Variants in CHST11 observed in about 807,000 individuals in gnomAD.
The protein encoded by CHST11 is carbohydrate sulfotransferase 11, also known as C4S-1.
A neutral mutation model predicts 30.4 loss-of-function variants in CHST11; 9 were observed. The observed-to-expected ratio is 0.30, with a 90% CI of 0.18 to 0.52. The LOEUF is 0.52. CHST11 is among the 20% of genes least tolerant of loss of function. The pLI, the probability that CHST11 is intolerant of heterozygous loss-of-function variation, is 0.97. For missense variants in CHST11, 348 were observed against 460.6 expected (o/e 0.76, Z 2.24); for synonymous variants, 152 against 187.8 (o/e 0.81, Z 1.56).
intron 2 of CHST11, among the ~76,000 whole-genome samples, chr12:104,670,485 A>T (rs1188109215): frequency 2.9e-5 from 4 of 139,974 alleles, no homozygotes; most frequent in African/African-American, 8.8e-5. Context: ...ACACACACAC[A>T]CTCACACTCA....
At chr12:104,664,190 G>C (rs1461071134) in intron 2 of CHST11, among the ~76,000 whole-genome samples, 2 of 152,140 alleles carry the variant, frequency 1.3e-5, no homozygotes, top group Admixed American at 1.3e-4. Flanking sequence ...TAATACTCAG[G>C]GAGACCACGA....
chr12:104,535,328 G>A (rs544995370), intron 1 of CHST11, among the ~76,000 whole-genome samples: 1 of 152,338 alleles, frequency 6.6e-6, no homozygotes, highest in South Asian at 2.1e-4. Context: ...TCAGATGGTA[G>A]CTTGTTTTGG....
At position 104,757,954 on chromosome 12, in the gene CHST11, G is replaced by C; in HGVS notation, c.*151G>C. On this transcript the variant is annotated 3_prime_UTR_variant, in exon 3 of 3. Coordinates refer to ENST00000303694, the MANE Select transcript of CHST11 (RefSeq NM_018413.6). The surrounding 1 kb of genome is among the most constrained non-coding windows in gnomAD (Gnocchi z 6.5). Reference sequence around the variant, plus strand: ...TAGTGAGAATTATTTAAAATCCTTCGTAGGGAAGGACAGCTGTCTTTGCAG... The same window carrying C: ...TAGTGAGAATTATTTAAAATCCTTCCTAGGGAAGGACAGCTGTCTTTGCAG... The C allele has an allele frequency of 1.2e-6, 1 of 862,490 alleles. No individual in the cohort carries two copies. The highest frequency in any genetic ancestry group is 1.7e-6 in the Non-Finnish European group (1 of 578,446). 53.4% of individuals were successfully genotyped at this position (862,490 alleles called of 1,614,324 possible).
intron 2 of CHST11, among the ~76,000 whole-genome samples, chr12:104,671,459 C>G (rs2039696998): frequency 1.3e-5 from 2 of 152,198 alleles, no homozygotes; most frequent in Non-Finnish European, 2.9e-5. Context: ...TGCCTGTCTA[C>G]TGATCATTAC....
intron 2 of CHST11, among the ~76,000 whole-genome samples, chr12:104,701,214 A>G (rs1390332923): frequency 1.3e-5 from 2 of 152,178 alleles, no homozygotes; most frequent in Non-Finnish European, 2.9e-5. Context: ...TAAGTGGCCA[A>G]ACTGAATCCA....
chr12:104,681,347 A>G (rs887915839), intron 2 of CHST11, among the ~76,000 whole-genome samples: 2 of 152,268 alleles, frequency 1.3e-5, no homozygotes, highest in African/African-American at 4.8e-5. Context: ...AAAAGACCGC[A>G]TATGATATGA....
chr12:104,707,002 T>C (rs1340036845), intron 2 of CHST11, among the ~76,000 whole-genome samples: 1 of 152,160 alleles, frequency 6.6e-6, no homozygotes, highest in Non-Finnish European at 1.5e-5. Flanking sequence ...ACAGTCGTCC[T>C]CCCACCTCCT....
intron 2 of CHST11, among the ~76,000 whole-genome samples, chr12:104,679,687 G>T (rs2039776392): frequency 6.6e-6 from 1 of 152,160 alleles, no homozygotes; most frequent in Non-Finnish European, 1.5e-5. Context: ...ACTATCACCT[G>T]CCCTGCAGAG....
chr12:104,645,128 T>G (rs914237460), intron 2 of CHST11, among the ~76,000 whole-genome samples: 3 of 151,636 alleles, frequency 2.0e-5, no homozygotes, highest in Non-Finnish European at 2.9e-5. Flanking sequence ...TTTGTATTTT[T>G]AGTAGAGACG....
chr12:104,486,593 C>T (rs1024748939), intron 1 of CHST11, among the ~76,000 whole-genome samples: 1 of 152,102 alleles, frequency 6.6e-6, no homozygotes. Flanking sequence ...GTGAGATTGT[C>T]TAGAAGGGTG....
intron 1 of CHST11, among the ~76,000 whole-genome samples, chr12:104,487,471 C>T (rs934574476): frequency 3.3e-5 from 5 of 152,124 alleles, no homozygotes; most frequent in Non-Finnish European, 7.4e-5. Context: ...TATGTTGCCC[C>T]GGCTGGTCTT....
At position 104,549,774 on chromosome 12, in the gene CHST11, G is replaced by A. The variant is rs78690438; in HGVS notation, c.119-52132G>A. On this transcript the variant is annotated intron_variant, in intron 1 of 2. Coordinates refer to ENST00000303694, the MANE Select transcript of CHST11 (RefSeq NM_018413.6). ...TAACAAAAATTAGTCAGGTGTGGTG[G>A]TGCGTGCCTGTAGTCCCAGCTACTC... Among the ~76,000 whole-genome samples, 49 of 152,282 alleles carry A rather than the reference G, an allele frequency of 3.2e-4. No individual in the cohort carries two copies. The East Asian group carries it at 7.1e-3, about 22-fold the overall frequency.
intron 1 of CHST11, among the ~76,000 whole-genome samples, chr12:104,462,331 CA>C (rs893949067): frequency 6.0e-5 from 9 of 150,042 alleles, no homozygotes; most frequent in African/African-American, 2.2e-4. Context: ...CTCAACTATG[CA>C]AAATGCATAT....
intron 2 of CHST11, among the ~76,000 whole-genome samples, chr12:104,647,007 G>A (rs538845029): frequency 6.6e-6 from 1 of 152,344 alleles, no homozygotes; most frequent in Non-Finnish European, 1.5e-5. Flanking sequence ...AACAGGAAGA[G>A]GAATGCCTAT....
intron 2 of CHST11, among the ~76,000 whole-genome samples, chr12:104,739,386 A>C (rs1257444146): frequency 9.2e-5 from 14 of 152,196 alleles, no homozygotes; most frequent in Non-Finnish European, 1.9e-4. Flanking sequence ...CAGTGTATTC[A>C]TCCGTGCACC....
chr12:104,637,036 C>G (rs1010259380), intron 2 of CHST11, among the ~76,000 whole-genome samples: 2 of 151,896 alleles, frequency 1.3e-5, no homozygotes, highest in African/African-American at 4.8e-5. Flanking sequence ...GGCACAGTGG[C>G]TCACACCTGT....
intron 2 of CHST11, among the ~76,000 whole-genome samples, chr12:104,675,277 T>C (rs1033941770): frequency 2.6e-5 from 4 of 152,258 alleles, no homozygotes; most frequent in African/African-American, 4.8e-5. Flanking sequence ...GGACCTATAA[T>C]TGACAGAAAT....
chr12:104,688,250 C>G (rs1420187446), intron 2 of CHST11, among the ~76,000 whole-genome samples: 1 of 152,144 alleles, frequency 6.6e-6, no homozygotes, highest in African/African-American at 2.4e-5. Flanking sequence ...TGGGTACTGA[C>G]AGATTCCTGG....
In CHST11 at chr12:104,513,123, T is replaced by TGGGGCG. The variant is rs1555229065; in HGVS notation, c.118+55598_118+55599insCGGGGG. ...TGCCAGTGCTTCCAAATGTCATGAC[T>TGGGGCG]GGGGGGGGGGGGGGTTGGGGGTGGG... On this transcript the variant is annotated intron_variant, in intron 1 of 2. Transcript: ENST00000303694. Among the ~76,000 whole-genome samples, 4 of 3,390 alleles carry TGGGGCG rather than the reference T, an allele frequency of 1.2e-3. 1 individual carries two copies. The South Asian group carries it at 0.019, about 16-fold the overall frequency. 2.2% of individuals were successfully genotyped at this position (3,390 alleles called of 152,430 possible).
Sources: allele counts gnomAD v4.1 joint callset (sites outside exome capture counted in the v4.1 genomes callset), GRCh38; gene constraint gnomAD v4.1.1; non-coding constraint Gnocchi (gnomAD v3.1); transcripts MANE v1.5; gene names NCBI Gene and HGNC (gene_info 2026-07-23, HGNC 2026-07-21).